Variants in KCTD10 observed in about 807,000 individuals in gnomAD.
KCTD10 encodes BTB/POZ domain-containing adapter for CUL3-mediated RhoA degradation protein 3.
A neutral mutation model predicts 34.6 loss-of-function variants in KCTD10; 13 were observed. The observed-to-expected ratio is 0.38, with a 90% CI of 0.24 to 0.60. The LOEUF (loss-of-function observed/expected upper bound fraction) is 0.60. Ranked by LOEUF, KCTD10 falls within the 20% of genes least tolerant of loss-of-function variation. The pLI is 0.66. For missense variants in KCTD10, 256 were observed against 420.3 expected (o/e 0.61, Z 3.42); for synonymous variants, 156 against 168.8 (o/e 0.92, Z 0.59).
chr12:109,455,200 A>G (rs1038298904), intron 6 of KCTD10, among the ~76,000 whole-genome samples: 1 of 152,144 alleles, frequency 6.6e-6, no homozygotes, highest in Admixed American at 6.5e-5. Context: ...AACAATATCT[A>G]TTCTTTTAGG....
Position 109,456,171 on chromosome 12 carries a change from C to A in KCTD10, c.670G>T (p.Ala224Ser). ...WSFYGQGRKI[A>S]EVCCTSIVYA... is the part of the protein sequence containing the mutation. ...ACGATGGAGGTACAACAGACTTCAG[C>A]AATCTTCCGGCCCTGACCATAAAAG... The change falls in exon 6 of 7, where the codon GCT becomes TCT. Residue 224 changes from alanine (A) to serine (S), a missense_variant. Around this residue, in one of 3 missense-constraint regions of KCTD10, gnomAD observed 41 missense variants for 124.2 expected, o/e 0.33. Coordinates refer to ENST00000228495, the MANE Select transcript of KCTD10 (RefSeq NM_031954.5). 1 of 1,614,190 alleles carries A rather than the reference C, an allele frequency of 6.2e-7. No homozygotes were observed.
chr12:109,471,391 CAG>C (rs1406985449), intron 1 of KCTD10: 3 of 985,332 alleles, frequency 3.0e-6, no homozygotes, highest in Non-Finnish European at 3.6e-6. Flanking sequence ...CAGAGTGAAA[CAG>C]AGAAAGAACG....
At position 109,471,946 on chromosome 12, in the gene KCTD10, A is replaced by C. The variant is rs115037729; in HGVS notation, c.4-2218T>G. On this transcript the variant is annotated intron_variant, in intron 1 of 6. Coordinates refer to ENST00000228495, the MANE Select transcript of KCTD10 (RefSeq NM_031954.5). ...TATGTGATATGAAGGATTTTTTTCTAATGGCATACTTGTATAGGACACTTA... is the reference window on the plus strand; with the variant it reads ...TATGTGATATGAAGGATTTTTTTCTCATGGCATACTTGTATAGGACACTTA... 5.4e-3 allele frequency among the ~76,000 whole-genome samples: 819 copies of C among 152,282 alleles called. 4 individuals are homozygous for C. Among genetic ancestry groups the C allele is most frequent in the African/African-American group, 0.018 (758 of 41,552 alleles).
At chr12:109,462,271 G>C (rs996115964) in intron 2 of KCTD10, among the ~76,000 whole-genome samples, 1 of 152,240 alleles carries the variant, frequency 6.6e-6, no homozygotes, top group Admixed American at 6.5e-5. Context: ...TGATGAAACA[G>C]CTCAGCCTAA....
rs1483833893 is a variant in KCTD10, at chr12:109,460,949, T to TGCC, written c.218-147_218-145dup. 2.5e-6 allele frequency: 2 copies of TGCC among 786,980 alleles called. No individual in the cohort carries two copies. Among genetic ancestry groups the TGCC allele is most frequent in the East Asian group, 2.7e-5 (1 of 36,640 alleles). 48.7% of individuals were successfully genotyped at this position (786,980 alleles called of 1,614,324 possible). A position where few individuals can be genotyped will look rare whatever the true frequency, so the allele number is the denominator to read the frequency against. ...AGAATGGCAGCCTCACCTGCCTACCTGCCCACTAAGGGCTGAGGAAGCCCC... is the reference window on the plus strand; with the variant it reads ...AGAATGGCAGCCTCACCTGCCTACCTGCCGCCCACTAAGGGCTGAGGAAGCCCC... On this transcript the variant is annotated intron_variant, in intron 2 of 6. Transcript: ENST00000228495. This position sits in a 1 kb window ranked among gnomAD's most constrained non-coding sequence, Gnocchi z 4.5.
chr12:109,462,725 AGCTCTGAT>A (rs1246106522), intron 2 of KCTD10, among the ~76,000 whole-genome samples: 1 of 152,202 alleles, frequency 6.6e-6, no homozygotes, highest in Admixed American at 6.5e-5. Context: ...AAGAGCTGTG[AGCTCTGAT>A]GTTCCATGCA....
At chr12:109,469,876 G>A in intron 1 of KCTD10, 148 bp from the exon 2 acceptor site, 1 of 1,413,936 alleles carries the variant, frequency 7.1e-7, no homozygotes, top group South Asian at 1.5e-5. Flanking sequence ...CAACTAAGGA[G>A]AGCTCACAGA....
Position 109,451,667 on chromosome 12 carries a change from C to T in KCTD10, c.870G>A (p.Glu290=), listed in dbSNP as rs1283145525. The T allele has an allele frequency of 6.2e-7, 1 of 1,613,522 alleles. No individual in the cohort carries two copies. Residue 290 remains glutamate, a synonymous_variant, in exon 7 of 7, where the codon GAG becomes GAA. Transcript: ENST00000228495. This position sits in a 1 kb window ranked among gnomAD's most constrained non-coding sequence, Gnocchi z 5.0. ...TCCGCACGCGCTCGATCCGCTCCCG[C>T]TCCTCGTCCTCGTCCAGGTGGTGGG... ...GRSHHLDEDE[E]RERIERVRRI... is the part of the protein sequence containing the mutation.
intron 1 of KCTD10, among the ~76,000 whole-genome samples, chr12:109,472,760 G>T (rs1324262827): frequency 6.6e-6 from 1 of 152,176 alleles, no homozygotes; most frequent in Admixed American, 6.5e-5. Context: ...GAATTTTTCA[G>T]TTCCATTATA....
intron 1 of KCTD10, among the ~76,000 whole-genome samples, chr12:109,475,084 C>T (rs1874089807): frequency 6.6e-6 from 1 of 152,170 alleles, no homozygotes; most frequent in Non-Finnish European, 1.5e-5. Context: ...AAGCATTTGG[C>T]ACCTAGTCCT....
At position 109,460,788 on chromosome 12, in the gene KCTD10, G is replaced by C; in HGVS notation, c.235C>G (p.Arg79Gly). Reference sequence around the variant, plus strand: ...ATCGTACCAAAGTGCTTCCCACAGCGGTCAATGAGGATCCAGCCTGCAGAG... The same window carrying C: ...ATCGTACCAAAGTGCTTCCCACAGCCGTCAATGAGGATCCAGCCTGCAGAG... ...TDSEGWILID[R>G]CGKHFGTILN... Residue 79 changes from arginine to glycine, a missense_variant, in exon 3 of 7, where the codon CGC (arginine) becomes GGC (glycine). Arg to Gly is a moderately radical substitution (Grantham distance 125). Around this residue, in one of 3 missense-constraint regions of KCTD10, gnomAD observed 155 missense variants for 207.0 expected, o/e 0.75. Transcript: ENST00000228495. The surrounding 1 kb of genome is among the most constrained non-coding windows in gnomAD (Gnocchi z 4.5). 6.2e-7 allele frequency: 1 copy of C among 1,614,094 alleles called. No individual in the cohort carries two copies. The highest frequency in any genetic ancestry group is 8.5e-7 in the Non-Finnish European group (1 of 1,179,958).
Position 109,450,605 on chromosome 12 carries a change from A to T in KCTD10, c.*990T>A. 2.6e-6 allele frequency: 1 copy of T among 385,028 alleles called. No individual in the cohort carries two copies. Among genetic ancestry groups the T allele is most frequent in the Non-Finnish European group, 4.6e-6 (1 of 217,854 alleles). The allele number at this position is 385,028 out of a possible 1,614,324, so 23.9% of individuals were successfully genotyped here. A position where few individuals can be genotyped will look rare whatever the true frequency, so the allele number is the denominator to read the frequency against. ...CCTGCCTGGATGCCAGGCTGGGAGG[A>T]CAAAGGGTATGGGCCACACTGAATT... On this transcript the variant is annotated 3_prime_UTR_variant, in exon 7 of 7. Transcript: ENST00000228495.
At position 109,460,920 on chromosome 12, in the gene KCTD10, CTGG is replaced by C. The variant is rs1194316218; in HGVS notation, c.218-118_218-116del. On this transcript the variant is annotated intron_variant, in intron 2 of 6. Transcript: ENST00000228495. This position sits in a 1 kb window ranked among gnomAD's most constrained non-coding sequence, Gnocchi z 4.5. ...ACCTCCCAGCGGAGAGCGGGACTGC[CTGG>C]AGAATGGCAGCCTCACCTGCCTACC... 1.9e-4 allele frequency: 206 copies of C among 1,073,274 alleles called. No homozygotes were observed. The African/African-American group carries it at 2.3e-3, about 12-fold the overall frequency. 66.5% of individuals were successfully genotyped at this position (1,073,274 alleles called of 1,614,324 possible). A position where few individuals can be genotyped will look rare whatever the true frequency, so the allele number is the denominator to read the frequency against.
At chr12:109,469,897 C>A (rs930958701) in intron 1 of KCTD10, 169 bp from the exon 2 acceptor site, 2 of 1,373,692 alleles carry the variant, frequency 1.5e-6, no homozygotes, top group Non-Finnish European at 1.9e-6. Context: ...AAAATCTGGA[C>A]TTCTGGCTTC....
intron 1 of KCTD10, among the ~76,000 whole-genome samples, 190 bp downstream of exon 1, chr12:109,477,070 G>A (rs997797616): frequency 1.5e-5 from 1 of 66,602 alleles, no homozygotes; most frequent in African/African-American, 5.6e-5. Context: ...CACCACCCCC[G>A]CCCCTAATTC....
intron 1 of KCTD10, among the ~76,000 whole-genome samples, chr12:109,472,940 T>G (rs975473586): frequency 6.6e-6 from 1 of 152,262 alleles, no homozygotes; most frequent in Non-Finnish European, 1.5e-5. Context: ...TGCACCTGTG[T>G]AGCCCCCACT....
intron 3 of KCTD10, chr12:109,458,548 GA>G (rs1300938074): frequency 6.5e-6 from 1 of 154,834 alleles, no homozygotes; most frequent in East Asian, 1.9e-4. Flanking sequence ...TAACCAAGGA[GA>G]GGGGGAAAGC....
chr12:109,454,453 G>A (rs1171641670), intron 6 of KCTD10, among the ~76,000 whole-genome samples: 1 of 152,214 alleles, frequency 6.6e-6, no homozygotes, highest in African/African-American at 2.4e-5. Flanking sequence ...TATGGGCTGG[G>A]TGCAGTGGCT....
intron 4 of KCTD10, 131 bp from the exon 5 acceptor site, chr12:109,457,813 GA>G: frequency 1.8e-6 from 2 of 1,106,696 alleles, no homozygotes; most frequent in East Asian, 4.8e-5. Flanking sequence ...GCTGGCTGGA[GA>G]GGGGGACCAC....
Sources: gnomAD v4.1 joint callset for allele counts (sites outside exome capture counted in the v4.1 genomes callset) on GRCh38, gnomAD v4.1.1 for gene constraint, gnomAD v4.1.1 regional missense constraint, Gnocchi (gnomAD v3.1) non-coding constraint, MANE v1.5 for transcripts, NCBI Gene and HGNC (gene_info 2026-07-23, HGNC 2026-07-21) for gene names.